The following KCNG2 variants were observed in gnomAD, a reference collection of about 807,000 sequenced individuals.
KCNG2 encodes potassium voltage-gated channel modifier subfamily G member 2.
KCNG2 carries 7 observed loss-of-function variants against 12.3 expected under a neutral mutation model. That is an observed-to-expected ratio of 0.57 (90% CI 0.32 to 1.07). KCNG2 has a LOEUF of 1.07. Ranked by LOEUF, KCNG2 falls within the 50% of genes least tolerant of loss-of-function variation. The pLI is 0.04. For missense variants in KCNG2, 703 were observed against 726.0 expected, an observed-to-expected ratio of 0.97 and a Z score of 0.36; for synonymous variants, 414 against 351.4, an observed-to-expected ratio of 1.18 and a Z score of -1.99.
At chr18:79,859,208 T>C (rs1979128896) in intron 2 of KCNG2, among the ~76,000 whole-genome samples, 1 of 152,250 alleles carries the variant, frequency 6.6e-6, no homozygotes, top group South Asian at 2.1e-4. Context: ...AGCTCTTACA[T>C]TAAGGTCTTT....
chr18:79,867,291 A>C (rs1371694368), intron 3 of KCNG2, among the ~76,000 whole-genome samples: 2 of 151,764 alleles, frequency 1.3e-5, no homozygotes, highest in Non-Finnish European at 2.9e-5. Flanking sequence ...CACTAACCTG[A>C]CAAGGCCTGG....
intron 3 of KCNG2, among the ~76,000 whole-genome samples, chr18:79,897,122 A>T (rs35485886): frequency 0.32 from 35,054 of 109,036 alleles, 5,376 homozygotes; most frequent in Non-Finnish European, 0.46. Context: ...TATTGTTTTT[A>T]AAAAATTGTT....
chr18:79,861,377 AG>A (rs1979216655), intron 2 of KCNG2, among the ~76,000 whole-genome samples: 1 of 146,794 alleles, frequency 6.8e-6, no homozygotes, highest in Non-Finnish European at 1.5e-5. Context: ...TCCCAGGTTC[AG>A]GCAATTCTCC....
At chr18:79,871,730 G>A (rs1055772363) in intron 3 of KCNG2, among the ~76,000 whole-genome samples, 8 of 152,326 alleles carry the variant, frequency 5.3e-5, no homozygotes, top group African/African-American at 1.7e-4. Flanking sequence ...GAGCCTCTGC[G>A]TCCGTCTGCG....
At chr18:79,843,978 C>A in intron 1 of KCNG2, among the ~76,000 whole-genome samples, 1 of 152,184 alleles carries the variant, frequency 6.6e-6, no homozygotes, top group Non-Finnish European at 1.5e-5. Flanking sequence ...GTGCTGCCTA[C>A]AAGAGACTTG....
chr18:79,824,278 G>A (rs1424427573), intron 1 of KCNG2, among the ~76,000 whole-genome samples: 6 of 152,378 alleles, frequency 3.9e-5, no homozygotes, highest in East Asian at 1.9e-4. Flanking sequence ...GATTACAGGC[G>A]TGAGCCTCGG....
At chr18:79,881,764 G>A (rs1481351190) in intron 3 of KCNG2, among the ~76,000 whole-genome samples, 3 of 152,150 alleles carry the variant, frequency 2.0e-5, no homozygotes, top group African/African-American at 7.2e-5. Context: ...CATCTTTATG[G>A]AAAGGCCTAG....
chr18:79,814,957 A>G (rs561960960), intron 1 of KCNG2, among the ~76,000 whole-genome samples: 4 of 151,058 alleles, frequency 2.6e-5, no homozygotes, highest in Non-Finnish European at 5.9e-5. Flanking sequence ...TTAGTAGTGT[A>G]ATTTCAAATA....
At chr18:79,845,850 G>A (rs1042366446) in intron 1 of KCNG2, among the ~76,000 whole-genome samples, 2 of 152,086 alleles carry the variant, frequency 1.3e-5, no homozygotes, top group African/African-American at 2.4e-5. Context: ...ACTTTGGGAG[G>A]CCGAGGCAGG....
chr18:79,882,277 G>T (rs1245905297), intron 3 of KCNG2, among the ~76,000 whole-genome samples: 1 of 152,234 alleles, frequency 6.6e-6, no homozygotes, highest in Non-Finnish European at 1.5e-5. Context: ...GAGAGGCCGA[G>T]GTGGGAAGAT....
chr18:79,850,804 T>A (rs1978787891), intron 1 of KCNG2, among the ~76,000 whole-genome samples: 1 of 152,230 alleles, frequency 6.6e-6, no homozygotes, highest in Non-Finnish European at 1.5e-5. Context: ...AGTTTCTTTG[T>A]ATAAAACTAA....
chr18:79,800,342 C>A lies in KCNG2; in HGVS notation c.-115+2328C>A, dbSNP rs2087398729. Among the ~76,000 whole-genome samples, 1 of 152,006 alleles carries A rather than the reference C, an allele frequency of 6.6e-6. No homozygotes were observed. On this transcript the variant is annotated intron_variant, in intron 1 of 3. Transcript: ENST00000316249. The surrounding 1 kb of genome is among the most constrained non-coding windows in gnomAD (Gnocchi z 4.0). ...GGATATCTTAGGGCTAACGCTTGGT[C>A]AGGGATGTTCTTGGTGGTAAGGAAA...
intron 1 of KCNG2, among the ~76,000 whole-genome samples, chr18:79,799,463 G>A (rs2087390883): frequency 6.6e-6 from 1 of 151,926 alleles, no homozygotes; most frequent in African/African-American, 2.4e-5. Flanking sequence ...GAATTTGGGG[G>A]GCATTGTGGT....
At chr18:79,810,262 G>A (rs992336418) in intron 1 of KCNG2, among the ~76,000 whole-genome samples, 7 of 152,326 alleles carry the variant, frequency 4.6e-5, no homozygotes, top group African/African-American at 1.7e-4. Context: ...TTGGAAAAGA[G>A]AGAAGAGAGG....
At chr18:79,799,417 CTAGT>C (rs145059248) in intron 1 of KCNG2, among the ~76,000 whole-genome samples, 1,782 of 152,212 alleles carry the variant, frequency 0.012, 45 homozygotes, top group African/African-American at 0.042. Context: ...TTAGGAATTC[CTAGT>C]TAGAGGGATG....
chr18:79,863,917 C>CT lies in KCNG2; in HGVS notation c.254dup (p.Leu85PhefsTer171). The CT allele has an allele frequency of 7.2e-7, 1 of 1,393,190 alleles. No homozygotes were observed. The highest frequency in any genetic ancestry group is 3.0e-5 in the East Asian group (1 of 33,172). The allele number at this position is 1,393,190 out of a possible 1,614,324, so 86.3% of individuals were successfully genotyped here. On this transcript the variant is annotated frameshift_variant, in exon 3 of 4. Transcript: ENST00000316249. LOFTEE classifies it high-confidence loss of function. The stretch of plus-strand genomic sequence containing the variant: ...GTGCGCCTTCCGCGCCATCGTGGCG[C>CT]TTTTGCGCGCAGGGAAGCTGCGACT...
At chr18:79,869,115 G>C (rs1343086669) in intron 3 of KCNG2, among the ~76,000 whole-genome samples, 1 of 151,994 alleles carries the variant, frequency 6.6e-6, no homozygotes, top group Non-Finnish European at 1.5e-5. Context: ...ACACTGGGGA[G>C]ACCCCGAGCC....
At chr18:79,885,683 G>C (rs940578496) in intron 3 of KCNG2, among the ~76,000 whole-genome samples, 5 of 152,258 alleles carry the variant, frequency 3.3e-5, no homozygotes, top group Non-Finnish European at 7.3e-5. Context: ...TCAGTCCTGG[G>C]TGTGCAACCC....
At chr18:79,865,357 G>A (rs1979442489) in intron 3 of KCNG2, among the ~76,000 whole-genome samples, 2 of 137,916 alleles carry the variant, frequency 1.5e-5, no homozygotes, top group Non-Finnish European at 1.5e-5. Flanking sequence ...TGGGTGCTGA[G>A]AGGTCTGTGT....
Sources: gnomAD v4.1 joint callset for allele counts (sites outside exome capture counted in the v4.1 genomes callset) on GRCh38, gnomAD v4.1.1 for gene constraint, Gnocchi (gnomAD v3.1) non-coding constraint, MANE v1.5 for transcripts, NCBI Gene and HGNC (gene_info 2026-07-23, HGNC 2026-07-21) for gene names.